Variants in HDAC5 observed in about 807,000 individuals in gnomAD.
HDAC5 encodes the protein antigen NY-CO-9.
A neutral mutation model predicts 133.3 loss-of-function variants in HDAC5; 25 were observed. That is an observed-to-expected ratio of 0.19 (90% CI 0.14 to 0.26). HDAC5 has a LOEUF of 0.26. Ranked by LOEUF, HDAC5 falls within the 10% of genes least tolerant of loss-of-function variation. HDAC5 has a pLI of 1.00. For missense variants in HDAC5, 1,041 were observed against 1,460.5 expected, an observed-to-expected ratio of 0.71 and a Z score of 4.68; for synonymous variants, 589 against 610.8, an observed-to-expected ratio of 0.96 and a Z score of 0.53.
At chr17:44,088,689 T>A in intron 11 of HDAC5, 91 bp from the exon 12 acceptor site, 1 of 1,507,572 alleles carries the variant, frequency 6.6e-7, no homozygotes. Context: ...CAACCCCCTC[T>A]GGCATATCAC....
chr17:44,122,057 C>T (rs2053040316), intron 1 of HDAC5, among the ~76,000 whole-genome samples: 1 of 152,076 alleles, frequency 6.6e-6, no homozygotes, highest in Admixed American at 6.6e-5. Context: ...CCAAGATCTC[C>T]CCAAGCTTTG....
In HDAC5 at chr17:44,093,656, C is replaced by T. The variant is rs1167132338; in HGVS notation, c.273G>A (p.Lys91=). The change falls in exon 4 of 27, where the codon AAG becomes AAA. Residue 91 remains lysine (K), a synonymous_variant. Transcript: ENST00000682912. ...LALKQQQQLQ[K]QLLFAEFQKQ... is the part of the protein sequence containing the mutation. Reference sequence around the variant, plus strand: ...TCTGGAACTCAGCGAACAGGAGCTGCTTCTGCAGCTGCTGCTGCTGCTTGA... The same window carrying T: ...TCTGGAACTCAGCGAACAGGAGCTGTTTCTGCAGCTGCTGCTGCTGCTTGA... 9 of 1,612,410 alleles carry T rather than the reference C, an allele frequency of 5.6e-6. No homozygotes were observed. In the African/African-American group the frequency reaches 6.7e-5, roughly 12 times the overall value.
chr17:44,115,448 C>T (rs1021503521), intron 2 of HDAC5, among the ~76,000 whole-genome samples: 3 of 152,294 alleles, frequency 2.0e-5, no homozygotes, highest in South Asian at 2.1e-4. Flanking sequence ...TTACTTCCGC[C>T]GAGTTCCAAG....
In HDAC5 at chr17:44,091,400, G is replaced by C; in HGVS notation, c.1257C>G (p.Ser419Arg). The C allele has an allele frequency of 6.4e-7, 1 of 1,570,334 alleles. No homozygotes were observed. The highest frequency in any genetic ancestry group is 8.6e-7 in the Non-Finnish European group (1 of 1,158,052). Residue 419 changes from serine to arginine, a missense_variant, in exon 11 of 27, where the codon AGC becomes AGG. Ser to Arg is a moderately radical substitution (Grantham distance 110). Transcript: ENST00000682912. ...QGGTLTGKFM[S>R]TSSIPGCLLG... ...GCAGGCAGCCAGGAATAGAGGATGT[G>C]CTCATGAACTTGCCGGTCAGCGTGC...
In HDAC5 at chr17:44,083,898, C is replaced by T. The variant is rs201894340; in HGVS notation, c.2306-44G>A. On this transcript the variant is annotated intron_variant, in intron 16 of 26. Transcript: ENST00000682912. ...GAGCTACTCTAGAAGTGGCCTCGGG[C>T]GGATCACCTGAGGTCAGGAGTTCGA... The T allele has an allele frequency of 5.7e-5, 87 of 1,538,766 alleles. No individual in the cohort carries two copies. The African/African-American group carries it at 6.7e-4, about 12-fold the overall frequency.
intron 3 of HDAC5, among the ~76,000 whole-genome samples, chr17:44,097,964 G>A (rs777374404): frequency 9.8e-5 from 15 of 152,384 alleles, no homozygotes; most frequent in African/African-American, 2.4e-4. Context: ...GCAGGTGGCA[G>A]GGCAGGCAGA....
At chr17:44,096,465 GTTTT>G (rs1246136598) in intron 3 of HDAC5, among the ~76,000 whole-genome samples, 2 of 148,100 alleles carry the variant, frequency 1.4e-5, no homozygotes, top group African/African-American at 2.5e-5. Context: ...ACAAGTTTTG[GTTTT>G]TTTTTGTTTT....
At chr17:44,088,743 C>G (rs2050790311) in intron 11 of HDAC5, 145 bp from the exon 12 acceptor site, 9 of 1,159,956 alleles carry the variant, frequency 7.8e-6, no homozygotes, top group African/African-American at 1.5e-5. Flanking sequence ...TGAAGCACCC[C>G]CCACCCAAAC....
At chr17:44,111,347 G>A (rs373306124) in intron 2 of HDAC5, 30 of 330,470 alleles carry the variant, frequency 9.1e-5, no homozygotes, top group South Asian at 3.1e-4. Context: ...GGCCCCATGG[G>A]GGGGGAGGCG....
At chr17:44,114,982 C>T (rs1205527060) in intron 2 of HDAC5, among the ~76,000 whole-genome samples, 1 of 152,170 alleles carries the variant, frequency 6.6e-6, no homozygotes, top group Non-Finnish European at 1.5e-5. Context: ...CATCAGCTCC[C>T]ACCTTCCTGG....
At position 44,087,746 on chromosome 17, in the gene HDAC5, T is replaced by C. The variant is rs767590851; in HGVS notation, c.1600-50A>G. 4.9e-5 allele frequency: 75 copies of C among 1,521,750 alleles called. 1 individual carries two copies. In the Admixed American group the frequency reaches 1.5e-3, roughly 31 times the overall value. 94.3% of individuals were successfully genotyped at this position (1,521,750 alleles called of 1,614,324 possible). On this transcript the variant is annotated intron_variant, in intron 12 of 26. Transcript: ENST00000682912. ...TCAGCTGGGAGTTGGGGAGCAGCTG[T>C]GCAGCCTAAAACCCAGAACAGTCTA...
At chr17:44,109,446 C>T (rs1165901414) in intron 3 of HDAC5, among the ~76,000 whole-genome samples, 1 of 152,166 alleles carries the variant, frequency 6.6e-6, no homozygotes, top group Non-Finnish European at 1.5e-5. Context: ...CAAGGTTACA[C>T]CCCCATCCCC....
In HDAC5 at chr17:44,093,820, C is replaced by A; in HGVS notation, c.109G>T (p.Val37Leu). 2.0e-6 allele frequency: 3 copies of A among 1,512,492 alleles called. No homozygotes were observed. The highest frequency in any genetic ancestry group is 2.7e-6 in the Non-Finnish European group (3 of 1,130,372). The allele number at this position is 1,512,492 out of a possible 1,614,324, so 93.7% of individuals were successfully genotyped here. ...SIPVTVEVKP[V>L]LPRAMPSSMG... Reference sequence around the variant, plus strand: ...GAACTGGGCATGGCTCTTGGCAGCACCGGCTTCACCTCCACTGTGGGCAGA... The same window carrying A: ...GAACTGGGCATGGCTCTTGGCAGCAACGGCTTCACCTCCACTGTGGGCAGA... The change falls in exon 4 of 27, where the codon GTG (valine) becomes TTG (leucine). Residue 37 changes from valine to leucine, a missense_variant. Around this residue, in one of 9 missense-constraint regions of HDAC5, gnomAD observed 93 missense variants for 98.8 expected, o/e 0.94. Transcript: ENST00000682912.
rs1415466018 is a variant in HDAC5, at chr17:44,077,686, CT to C, written c.*689del. ...AACCAGTCCTCTCCTTCCCCACACACTTTCACCCTCTCAGCCCCGGGGAAGG... is the reference window on the plus strand; with the variant it reads ...AACCAGTCCTCTCCTTCCCCACACACTTCACCCTCTCAGCCCCGGGGAAGG... On this transcript the variant is annotated 3_prime_UTR_variant, in exon 27 of 27. Transcript: ENST00000682912. 1 of 152,352 alleles carries C rather than the reference CT, an allele frequency of 6.6e-6. No homozygotes were observed. The highest frequency in any genetic ancestry group is 6.5e-5 in the Admixed American group (1 of 15,288). The allele number at this position is 152,352 out of a possible 1,614,324, so 9.4% of individuals were successfully genotyped here. A position where few individuals can be genotyped will look rare whatever the true frequency, so the allele number is the denominator to read the frequency against.
chr17:44,102,121 G>T (rs2051651241), intron 3 of HDAC5, among the ~76,000 whole-genome samples: 1 of 152,228 alleles, frequency 6.6e-6, no homozygotes, highest in Admixed American at 6.5e-5. Context: ...AGCACTTAAG[G>T]CTGTGTAGGT....
chr17:44,110,609 C>G, intron 3 of HDAC5, 120 bp downstream of exon 3: 5 of 800,976 alleles, frequency 6.2e-6, no homozygotes, highest in South Asian at 6.2e-5. Context: ...GTATTCTCAA[C>G]AAAACTCTCA....
rs767251950 is a variant in HDAC5 at position 44,092,277 on chromosome 17, G to A, written c.927C>T (p.Ser309=). The A allele has an allele frequency of 1.4e-5, 23 of 1,613,818 alleles. No homozygotes were observed. Among genetic ancestry groups the A allele is most frequent in the Admixed American group, 1.7e-5 (1 of 59,968 alleles). Reference sequence around the variant, plus strand: ...CGGAGCCGGGTGCGCTGTTACACACGGACGACGCTATAGGAGAAGTGGCTG... The same window carrying A: ...CGGAGCCGGGTGCGCTGTTACACACAGACGACGCTATAGGAGAAGTGGCTG... ...EITGAGPGAS[S]VCNSAPGSGP... Residue 309 remains serine (S), a synonymous_variant, in exon 9 of 27, where the codon TCC becomes TCT. Coordinates refer to ENST00000682912, the MANE Select transcript of HDAC5 (RefSeq NM_005474.5).
chr17:44,093,251 C>A, intron 5 of HDAC5, 45 bp from the exon 6 acceptor site: 1 of 1,587,858 alleles, frequency 6.3e-7, no homozygotes, highest in Non-Finnish European at 8.6e-7. Context: ...GGGCCAGACC[C>A]CCCATGGCAG....
rs561683404 is a variant in HDAC5, at chr17:44,078,516, G to C, written c.3313C>G (p.Arg1105Gly). 6.2e-7 allele frequency: 1 copy of C among 1,609,916 alleles called. No homozygotes were observed. Among genetic ancestry groups the C allele is most frequent in the Non-Finnish European group, 8.5e-7 (1 of 1,178,244 alleles). Residue 1105 changes from arginine (R) to glycine (G), a missense_variant, in exon 26 of 27, where the codon CGG becomes GGG. Around this residue, in one of 9 missense-constraint regions of HDAC5, gnomAD observed 95 missense variants for 107.3 expected, o/e 0.88. Transcript: ENST00000682912. The part of the protein sequence containing the change: ...GAEQAQAAAA[R>G]EHSPRPAEEP... Reference sequence around the variant, plus strand: ...GCTGCTTACCTGGGGCTGTGTTCCCGGGCTGCCGCAGCCTGGGCCTGCTCG... The same window carrying C: ...GCTGCTTACCTGGGGCTGTGTTCCCCGGCTGCCGCAGCCTGGGCCTGCTCG...
Sources: allele counts gnomAD v4.1 joint callset (sites outside exome capture counted in the v4.1 genomes callset), GRCh38; gene constraint gnomAD v4.1.1; regional missense constraint gnomAD v4.1.1; transcripts MANE v1.5; gene names NCBI Gene and HGNC (gene_info 2026-07-23, HGNC 2026-07-21).